ZAN: variants seen among roughly 807,000 people sequenced by gnomAD.
ZAN encodes zonadhesin.
A neutral mutation model predicts 286.2 loss-of-function variants in ZAN; 260 were observed. That is an observed-to-expected ratio of 0.91 (90% confidence interval 0.82 to 1.01). The LOEUF is 1.01. Ranked by LOEUF, ZAN falls within the 50% of genes least tolerant of loss-of-function variation. The pLI, the probability that ZAN is intolerant of heterozygous loss-of-function variation, is 0.00. For synonymous variants in ZAN, 1,368 were observed against 1,417.5 expected (o/e 0.97, Z 0.79); for missense variants, 3,410 against 3,639.2 (o/e 0.94, Z 1.62).
chr7:100,794,196 C>A lies in ZAN; in HGVS notation c.8063C>A (p.Pro2688His), dbSNP rs1408742433. 1.2e-6 allele frequency: 2 copies of A among 1,613,938 alleles called. No homozygotes were observed. The highest frequency in any genetic ancestry group is 1.1e-5 in the South Asian group (1 of 91,076). Residue 2688 changes from proline (P) to histidine (H), a missense_variant, in exon 44 of 48, where the codon CCC becomes CAC. By Grantham distance (77) the Pro-to-His change is moderately conservative. Transcript: ENST00000613979. ...AGCTCACGGATCCTGCTGTGTGAGC[C>A]CTTCAGCTGCAGAGCGGGGGAGGTC... is the stretch of plus-strand genomic sequence containing the variant. ...CASSRILLCEPFSCRAGEVCT... is the reference protein window; with the variant it reads ...CASSRILLCEHFSCRAGEVCT...
chr7:100,751,233 G>A lies in ZAN; in HGVS notation c.1573G>A (p.Gly525Ser). 1.9e-6 allele frequency: 3 copies of A among 1,609,220 alleles called. No homozygotes were observed. Among genetic ancestry groups the A allele is most frequent in the Non-Finnish European group, 2.5e-6 (3 of 1,178,020 alleles). ...GSNTASVVAMGFILINPGTCP... is the reference protein window; with the variant it reads ...GSNTASVVAMSFILINPGTCP... ...CAACACGGCCTCTGTGGTTGCTATG[G>A]GTTTCATCTTGATCAATCCTGGGAC... Residue 525 changes from glycine (G) to serine (S), a missense_variant, in exon 13 of 48, where the codon GGT (glycine) becomes AGT (serine). This residue lies in a region of ZAN where 872 missense variants were observed against 938.9 expected (regional missense o/e 0.93). Transcript: ENST00000613979.
intron 11 of ZAN, among the ~76,000 whole-genome samples, chr7:100,750,006 G>A (rs1332464302): frequency 1.4e-5 from 2 of 144,896 alleles, no homozygotes; most frequent in Non-Finnish European, 3.0e-5. Flanking sequence ...AGCTGAGATC[G>A]TGTCACTGCA....
rs775704581 is a variant in ZAN, at chr7:100,775,485, G to A, written c.5937G>A (p.Glu1979=). 4.3e-6 allele frequency: 7 copies of A among 1,613,850 alleles called. No individual in the cohort carries two copies. The East Asian group carries it at 6.7e-5, about 15-fold the overall frequency. Residue 1979 remains glutamate, a synonymous_variant, in exon 32 of 48, where the codon GAG becomes GAA. Transcript: ENST00000613979. ...AGATCAGTGCCAAGCATGAGAAGGA[G>A]GAAGGTGGAACTGAGGCTTTCCGCC... ...FFKISAKHEK[E]EGGTEAFRLH...
Position 100,792,476 on chromosome 7 carries a change from G to C in ZAN, c.7784G>C (p.Ser2595Thr). 8.1e-6 allele frequency: 13 copies of C among 1,613,894 alleles called. No homozygotes were observed. The highest frequency in any genetic ancestry group is 1.1e-5 in the Non-Finnish European group (13 of 1,179,878). Residue 2595 changes from serine to threonine, a missense_variant, in exon 42 of 48, where the codon AGT becomes ACT. Physicochemically the swap from Ser to Thr is moderately conservative, Grantham distance 58. Around this residue, in one of 7 missense-constraint regions of ZAN, gnomAD observed 1,289 missense variants for 1,314.3 expected, o/e 0.98. Transcript: ENST00000613979. ...GAGGAGCTGCGTTGCCAGGTCCTCA[G>C]TGGGTACGCCATCCTCTGCCAGGAG... ...EQEELRCQVL[S>T]GHGVSSRYHI...
At chr7:100,742,307 A>G in intron 7 of ZAN, among the ~76,000 whole-genome samples, 1 of 66,068 alleles carries the variant, frequency 1.5e-5, no homozygotes, top group African/African-American at 6.6e-5. Context: ...CCTAGATGTG[A>G]TGGCGGCTGG....
At chr7:100,792,600 T>C in intron 42 of ZAN, 121 bp downstream of exon 42, 1 of 1,518,848 alleles carries the variant, frequency 6.6e-7, no homozygotes, top group African/African-American at 1.4e-5. Flanking sequence ...CCACCTCTGC[T>C]GAACGCTCTT....
At chr7:100,771,011 C>A (rs1039393053) in intron 28 of ZAN, among the ~76,000 whole-genome samples, 1 of 152,164 alleles carries the variant, frequency 6.6e-6, no homozygotes, top group Non-Finnish European at 1.5e-5. Context: ...ACCATGTTGG[C>A]CAGGCTGATC....
At position 100,738,871 on chromosome 7, in the gene ZAN, T is replaced by TCTCCTTCTCCTTCTCCTTCTCCTTCTC. The variant is rs1554396765; in HGVS notation, c.766+260_766+261insCCTTCTCCTTCTCCTTCTCCTTCTCCT. Among the ~76,000 whole-genome samples, 6 of 23,704 alleles carry TCTCCTTCTCCTTCTCCTTCTCCTTCTC rather than the reference T, an allele frequency of 2.5e-4. 2 individuals carry two copies. The highest frequency in any genetic ancestry group is 1.2e-3 in the Admixed American group (2 of 1,670). 15.6% of individuals were successfully genotyped at this position (23,704 alleles called of 152,430 possible). ...TTCTTCTTCTTTCTCTTCCTCTTCT[T>TCTCCTTCTCCTTCTCCTTCTCCTTCTC]CTTCTCCCTCTCCCTCTCCCTCTCC... is the stretch of plus-strand genomic sequence containing the variant. On this transcript the variant is annotated intron_variant, in intron 7 of 47. Coordinates refer to ENST00000613979, the MANE Select transcript of ZAN (RefSeq NM_003386.3).
chr7:100,736,728 C>T, intron 4 of ZAN, 81 bp from the exon 5 acceptor site: 1 of 1,465,014 alleles, frequency 6.8e-7, no homozygotes. Flanking sequence ...GACCTGGATG[C>T]CTGGGCTCTG....
At position 100,791,122 on chromosome 7, in the gene ZAN, C is replaced by T. The variant is rs778838897; in HGVS notation, c.7529+9C>T. 3.1e-6 allele frequency: 5 copies of T among 1,608,304 alleles called. 1 individual carries two copies. The South Asian group carries it at 5.6e-5, about 18-fold the overall frequency. Reference sequence around the variant, plus strand: ...CTCCTGCGCTTCCCCAGGTGCACGGCCTGGAAGGGATGAGGCGGGGGAGGT... The same window carrying T: ...CTCCTGCGCTTCCCCAGGTGCACGGTCTGGAAGGGATGAGGCGGGGGAGGT... On this transcript the variant is annotated intron_variant, in intron 40 of 47. Coordinates refer to ENST00000613979, the MANE Select transcript of ZAN (RefSeq NM_003386.3).
In ZAN at chr7:100,788,006, A is replaced by AG. The variant is rs1427997072; in HGVS notation, c.7102dup (p.Val2368GlyfsTer32). The AG allele has an allele frequency of 8.7e-6, 14 of 1,600,098 alleles. No individual in the cohort carries two copies. Among genetic ancestry groups the AG allele is most frequent in the Non-Finnish European group, 1.1e-5 (13 of 1,170,454 alleles). ...ATCAAGACTGTGGACGTACTGCCTG[A>AG]GGGGGTGGAGCCCCTCCTCGTGGAA... On this transcript the variant is annotated frameshift_variant, in exon 38 of 48. Coordinates refer to ENST00000613979, the MANE Select transcript of ZAN (RefSeq NM_003386.3). LOFTEE classifies it high-confidence loss of function.
In ZAN at chr7:100,769,954, C is replaced by T. The variant is rs763105168; in HGVS notation, c.5228C>T (p.Ala1743Val). The change falls in exon 28 of 48, where the codon GCG (alanine) becomes GTG (valine). Residue 1743 changes from alanine to valine, a missense_variant. By Grantham distance (64) the Ala-to-Val change is moderately conservative. Coordinates refer to ENST00000613979, the MANE Select transcript of ZAN (RefSeq NM_003386.3). ...GCAGACGCCTGGAACAAGAACTGTG[C>T]GATCTTAATAAACCCTCAGGGTAAG... is the stretch of plus-strand genomic sequence containing the variant. ...SMADAWNKNC[A>V]ILINPQGPFS... is the part of the protein sequence containing the mutation. 4.1e-5 allele frequency: 64 copies of T among 1,565,284 alleles called. No individual in the cohort carries two copies. Among genetic ancestry groups the T allele is most frequent in the African/African-American group, 5.4e-5 (4 of 73,714 alleles).
Position 100,748,575 on chromosome 7 carries a change from A to C in ZAN, c.1249+105A>C, listed in dbSNP as rs1213008110. Reference sequence around the variant, plus strand: ...GGAGACGTTGTTTCAGGCAGTGGGAAGATCAGTCCACAGGTGTTTTTTCGG... The same window carrying C: ...GGAGACGTTGTTTCAGGCAGTGGGACGATCAGTCCACAGGTGTTTTTTCGG... On this transcript the variant is annotated intron_variant, in intron 11 of 47. Coordinates refer to ENST00000613979, the MANE Select transcript of ZAN (RefSeq NM_003386.3). The C allele has an allele frequency of 2.1e-6, 3 of 1,455,806 alleles. No homozygotes were observed. The African/African-American group carries it at 4.2e-5, about 21-fold the overall frequency. 90.2% of individuals were successfully genotyped at this position (1,455,806 alleles called of 1,614,324 possible).
At chr7:100,782,453 C>T (rs991571031) in intron 35 of ZAN, among the ~76,000 whole-genome samples, 5 of 151,928 alleles carry the variant, frequency 3.3e-5, no homozygotes, top group South Asian at 4.2e-4. Flanking sequence ...CTCAGCCTTC[C>T]GAGTAGCTGG....
In ZAN at chr7:100,766,611, T is replaced by C; in HGVS notation, c.4557T>C (p.Cys1519=). ...GAATTCGCTGCCAGCCCTGGAGGTG[T>C]AGGGCCCAGGAGTTCTGTGGCCAAC... ...NNRIRCQPWR[C]RAQEFCGQQD... The change falls in exon 24 of 48, where the codon TGT becomes TGC. Residue 1519 remains cysteine (C), a synonymous_variant. Transcript: ENST00000613979. The C allele has an allele frequency of 1.9e-6, 3 of 1,558,234 alleles. No homozygotes were observed. Among genetic ancestry groups the C allele is most frequent in the Non-Finnish European group, 1.7e-6 (2 of 1,150,990 alleles).
At chr7:100,797,242 C>A in intron 45 of ZAN, 124 bp from the exon 46 acceptor site, 3 of 865,356 alleles carry the variant, frequency 3.5e-6, no homozygotes, top group Non-Finnish European at 5.5e-6. Context: ...GAAGCAGACA[C>A]ACCTAGAGAT....
chr7:100,748,866 GA>G (rs1046245591), intron 11 of ZAN, among the ~76,000 whole-genome samples: 11 of 143,414 alleles, frequency 7.7e-5, no homozygotes, highest in East Asian at 2.0e-4. Context: ...CCCATCTCTA[GA>G]AAAAAAAATT....
Position 100,767,252 on chromosome 7 carries a change from G to T in ZAN, c.4855G>T (p.Val1619Phe). ...CATCTCACTGCTCAGAGGCTGTAAG[G>T]TCATGGTGGGTGTCTTCCTCCTGCC... is the stretch of plus-strand genomic sequence containing the variant. ...LSISLLRGCK[V>F]MLNGHRVALP... Residue 1619 changes from valine (V) to phenylalanine (F), a missense_variant, in exon 25 of 48, where the codon GTC (valine) becomes TTC (phenylalanine). Coordinates refer to ENST00000613979, the MANE Select transcript of ZAN (RefSeq NM_003386.3). 1.9e-6 allele frequency: 3 copies of T among 1,607,064 alleles called. No homozygotes were observed. Among genetic ancestry groups the T allele is most frequent in the Non-Finnish European group, 2.5e-6 (3 of 1,178,380 alleles).
chr7:100,754,770 G>A (rs1293055899), intron 14 of ZAN, among the ~76,000 whole-genome samples: 5 of 151,506 alleles, frequency 3.3e-5, no homozygotes, highest in African/African-American at 4.8e-5. Context: ...CTGTAATTAC[G>A]CCTCAGCCTC....
Sources: allele counts gnomAD v4.1 joint callset (sites outside exome capture counted in the v4.1 genomes callset), GRCh38; gene constraint gnomAD v4.1.1; regional missense constraint gnomAD v4.1.1; transcripts MANE v1.5; gene names NCBI Gene and HGNC (gene_info 2026-07-23, HGNC 2026-07-21).